Variants in A1BG observed in about 807,000 individuals in gnomAD.
A1BG encodes the protein alpha-1-B glycoprotein.
Under a neutral mutation model 46.0 loss-of-function variants are expected in A1BG, and 44 were observed. The ratio of observed to expected loss-of-function variants is 0.96; its 90% confidence interval spans 0.75 to 1.23. The LOEUF is 1.23. A1BG is among the 50% of genes most tolerant of loss of function. The pLI is 0.00. For synonymous variants in A1BG, 316 were observed against 314.7 expected, an observed-to-expected ratio of 1.00 and a Z score of -0.04; for missense variants, 707 against 688.8, an observed-to-expected ratio of 1.03 and a Z score of -0.30.
intron 6 of A1BG, chr19:58,348,633 A>G (rs2051932888): frequency 6.6e-6 from 1 of 152,270 alleles, no homozygotes; most frequent in Non-Finnish European, 1.5e-5. Context: ...TTTGCAATTA[A>G]TTGTAAGCTA....
chr19:58,351,723 C>G, intron 4 of A1BG, 36 bp from the exon 5 acceptor site: 1 of 1,541,546 alleles, frequency 6.5e-7, no homozygotes, highest in African/African-American at 1.4e-5. Flanking sequence ...CTGCCCCATC[C>G]CTGGAGCTGC....
chr19:58,350,626 G>A lies in A1BG; in HGVS notation c.936C>T (p.Ser312=), dbSNP rs1271065584. 4.2e-6 allele frequency: 6 copies of A among 1,427,944 alleles called. No homozygotes were observed. In the South Asian group the frequency reaches 6.0e-5, roughly 14 times the overall value. The allele number at this position is 1,427,944 out of a possible 1,614,324, so 88.5% of individuals were successfully genotyped here. The change falls in exon 6 of 8, where the codon TCC becomes TCT. Residue 312 remains serine, a synonymous_variant. Transcript: ENST00000263100. Reference sequence around the variant, plus strand: ...AGGCCCTGCCGGACTCCGGCTCCGGGGAGAACTCCGGCGCGGGCAGCGTCT... The same window carrying A: ...AGGCCCTGCCGGACTCCGGCTCCGGAGAGAACTCCGGCGCGGGCAGCGTCT... The part of the protein sequence containing the change: ...SDETLPAPEF[S]PEPESGRALR...
chr19:58,353,339 G>A lies in A1BG; in HGVS notation c.35-12C>T, dbSNP rs765486742. On this transcript the variant is annotated splice_polypyrimidine_tract_variant and intron_variant, in intron 1 of 7. Transcript: ENST00000263100. ...GCCCCAGGTGACACCTGCGGAGACA[G>A]CCCCCGTAAGGCTCCTGTTCCCGCC... 37 of 1,610,466 alleles carry A rather than the reference G, an allele frequency of 2.3e-5. No individual in the cohort carries two copies. The highest frequency in any genetic ancestry group is 3.1e-5 in the Non-Finnish European group (36 of 1,178,518).
Position 58,346,982 on chromosome 19 carries a change from C to T in A1BG, c.*40G>A. The T allele has an allele frequency of 1.2e-6, 2 of 1,613,618 alleles. No homozygotes were observed. Among genetic ancestry groups the T allele is most frequent in the Non-Finnish European group, 1.7e-6 (2 of 1,179,560 alleles). ...GGGAGCCAGTCCAGAATCCCCGGCACTTCTGAGGACACCAACAGCACCCTG... is the reference window on the plus strand; with the variant it reads ...GGGAGCCAGTCCAGAATCCCCGGCATTTCTGAGGACACCAACAGCACCCTG... On this transcript the variant is annotated 3_prime_UTR_variant, in exon 8 of 8. Transcript: ENST00000263100.
Position 58,353,156 on chromosome 19 carries a change from G to C in A1BG, c.112C>G (p.Leu38Val), listed in dbSNP as rs141312393. 2 of 1,614,088 alleles carry C rather than the reference G, an allele frequency of 1.2e-6. No homozygotes were observed. Among genetic ancestry groups the C allele is most frequent in the African/African-American group, 2.7e-5 (2 of 74,950 alleles). The change falls in exon 3 of 8, where the codon CTG (leucine) becomes GTG (valine). Residue 38 changes from leucine to valine, a missense_variant. Leu to Val is a conservative substitution (Grantham distance 32). Transcript: ENST00000263100. ...GTCACATTGGCCAAGGGTTTCAGCAGTGATTCGGACTCTGCCCACAGGCTG... is the reference window on the plus strand; with the variant it reads ...GTCACATTGGCCAAGGGTTTCAGCACTGATTCGGACTCTGCCCACAGGCTG... ...QPSLWAESES[L>V]LKPLANVTLT...
In A1BG at chr19:58,346,416, AAAT is replaced by A. The variant is rs2051914050; in HGVS notation, c.*603_*605del. 4 of 159,048 alleles carry A rather than the reference AAAT, an allele frequency of 2.5e-5. No homozygotes were observed. In the South Asian group the frequency reaches 5.2e-4, roughly 21 times the overall value. 9.9% of individuals were successfully genotyped at this position (159,048 alleles called of 1,614,324 possible). A position where few individuals can be genotyped will look rare whatever the true frequency, so the allele number is the denominator to read the frequency against. On this transcript the variant is annotated 3_prime_UTR_variant, in exon 8 of 8. Transcript: ENST00000263100. ...AGTGAGACTCATCTCTACAAAAAATAAATAATAGAAAGAAAAATGTGAGTTGGC... is the reference window on the plus strand; with the variant it reads ...AGTGAGACTCATCTCTACAAAAAATAAATAGAAAGAAAAATGTGAGTTGGC...
chr19:58,347,411 G>C lies in A1BG; in HGVS notation c.1422C>G (p.Ser474=). The change falls in exon 7 of 8, where the codon TCC becomes TCG. Residue 474 remains serine (S), a synonymous_variant. Transcript: ENST00000263100. ...CCGATTCGAAGGTGTGGGGCACCCAGGAGCGGTAGCGGCACCTGTAGTTGC... is the reference window on the plus strand; with the variant it reads ...CCGATTCGAAGGTGTGGGGCACCCACGAGCGGTAGCGGCACCTGTAGTTGC... ...HAGNYRCRYR[S]WVPHTFESEL... 6.2e-7 allele frequency: 1 copy of C among 1,611,772 alleles called. No individual in the cohort carries two copies. Among genetic ancestry groups the C allele is most frequent in the Non-Finnish European group, 8.5e-7 (1 of 1,179,504 alleles).
At chr19:58,347,674 A>ACGCCCCAGGCCACGCCCCAGGCCG in intron 6 of A1BG, 34 bp from the exon 7 acceptor site, 1 of 1,328,538 alleles carries the variant, frequency 7.5e-7, no homozygotes, top group Non-Finnish European at 9.5e-7. Flanking sequence ...GGGCCAGGCC[A>ACGCCCCAGGCCACGCCCCAGGCCG]CGCCCCAGGC....
Position 58,352,962 on chromosome 19 carries a change from G to C in A1BG, c.306C>G (p.Thr102=). Residue 102 remains threonine (T), a synonymous_variant, in exon 3 of 8, where the codon ACC becomes ACG. Transcript: ENST00000263100. ...RCRSGLSTGW[T]QLSKLLELTG... is the part of the protein sequence containing the mutation. ...TCAGCTCCAGGAGCTTGCTCAGCTG[G>C]GTCCATCCTGTGGACAAGCCCGAGC... 1 of 1,613,768 alleles carries C rather than the reference G, an allele frequency of 6.2e-7. No individual in the cohort carries two copies. The highest frequency in any genetic ancestry group is 8.5e-7 in the Non-Finnish European group (1 of 1,180,004).
In A1BG at chr19:58,352,562, G is replaced by T; in HGVS notation, c.341-7C>A. 1 of 1,604,670 alleles carries T rather than the reference G, an allele frequency of 6.2e-7. No homozygotes were observed. Among genetic ancestry groups the T allele is most frequent in the Non-Finnish European group, 8.5e-7 (1 of 1,178,938 alleles). On this transcript the variant is annotated splice_polypyrimidine_tract_variant and splice_region_variant and intron_variant, in intron 3 of 7. Transcript: ENST00000263100. Reference sequence around the variant, plus strand: ...CAGGGAGCAGGCAAGGACTCTGTGGGTGGGGTGGAGTTGAAGAGTGCTTCT... The same window carrying T: ...CAGGGAGCAGGCAAGGACTCTGTGGTTGGGGTGGAGTTGAAGAGTGCTTCT...
Position 58,352,916 on chromosome 19 carries a change from G to A in A1BG, c.340+12C>T, listed in dbSNP as rs2051976333. ...CACTGCCTCCTGGCCCCCAATTCAT[G>A]CCCCGGCTCACTTGGCCCTGTCAGC... is the stretch of plus-strand genomic sequence containing the variant. On this transcript the variant is annotated intron_variant, in intron 3 of 7. Coordinates refer to ENST00000263100, the MANE Select transcript of A1BG (RefSeq NM_130786.4). 2 of 1,605,246 alleles carry A rather than the reference G, an allele frequency of 1.2e-6. No homozygotes were observed. Among genetic ancestry groups the A allele is most frequent in the African/African-American group, 2.7e-5 (2 of 74,768 alleles).
chr19:58,351,478 C>T lies in A1BG; in HGVS notation c.823G>A (p.Gly275Ser). 6.2e-7 allele frequency: 1 copy of T among 1,613,596 alleles called. No homozygotes were observed. Among genetic ancestry groups the T allele is most frequent in the Non-Finnish European group, 8.5e-7 (1 of 1,180,018 alleles). ...AGCCGGTAGCGGCAGGTGTAGTGAC[C>T]TCCATCCCCCAGGGCCACCGCGTTC... ...HLNAVALGDG[G>S]HYTCRYRLHD... Residue 275 changes from glycine to serine, a missense_variant, in exon 5 of 8, where the codon GGT becomes AGT. By Grantham distance (56) the Gly-to-Ser change is moderately conservative (BLOSUM62 0). Transcript: ENST00000263100.
chr19:58,352,772 C>T (rs1185848880), intron 3 of A1BG, 156 bp downstream of exon 3: 28 of 1,249,468 alleles, frequency 2.2e-5, no homozygotes, highest in Non-Finnish European at 3.1e-5. Context: ...GGGGACACAA[C>T]CATGTATTCC....
Position 58,352,947 on chromosome 19 carries a change from G to A in A1BG, c.321C>T (p.Leu107=), listed in dbSNP as rs1320055576. ...GCTCACTTGGCCCTGTCAGCTCCAGGAGCTTGCTCAGCTGGGTCCATCCTG... is the reference window on the plus strand; with the variant it reads ...GCTCACTTGGCCCTGTCAGCTCCAGAAGCTTGCTCAGCTGGGTCCATCCTG... ...LSTGWTQLSK[L]LELTGPKSLP... is the part of the protein sequence containing the mutation. The change falls in exon 3 of 8, where the codon CTC becomes CTT. Residue 107 remains leucine, a synonymous_variant. Transcript: ENST00000263100. 1.2e-6 allele frequency: 2 copies of A among 1,613,328 alleles called. No homozygotes were observed. Among genetic ancestry groups the A allele is most frequent in the South Asian group, 1.1e-5 (1 of 91,058 alleles).
At chr19:58,352,229 T>C in intron 4 of A1BG, 54 bp downstream of exon 4, 2 of 1,590,914 alleles carry the variant, frequency 1.3e-6, no homozygotes, top group Non-Finnish European at 1.7e-6. Flanking sequence ...AATGTGGTCA[T>C]GCCCCCTGTA....
chr19:58,349,030 T>G (rs536206735), intron 6 of A1BG: 1 of 152,308 alleles, frequency 6.6e-6, no homozygotes, highest in African/African-American at 2.4e-5. Flanking sequence ...CATTTTTTTT[T>G]TTTTTGAGAT....
chr19:58,352,400 C>T lies in A1BG; in HGVS notation c.496G>A (p.Glu166Lys). 1 of 1,613,958 alleles carries T rather than the reference C, an allele frequency of 6.2e-7. No homozygotes were observed. Among genetic ancestry groups the T allele is most frequent in the Non-Finnish European group, 8.5e-7 (1 of 1,180,012 alleles). ...HEFLEVPEAQEDVEATFPVHQ... is the reference protein window; with the variant it reads ...HEFLEVPEAQKDVEATFPVHQ... ...ACTGGAAAGGTGGCCTCCACATCCT[C>T]CTGGGCCTCAGGCACCTCCAGAAAC... is the stretch of plus-strand genomic sequence containing the variant. Residue 166 changes from glutamate (E) to lysine (K), a missense_variant, in exon 4 of 8, where the codon GAG becomes AAG. Transcript: ENST00000263100.
chr19:58,352,897 C>T (rs773730507), intron 3 of A1BG, 31 bp downstream of exon 3: 1 of 1,594,634 alleles, frequency 6.3e-7, no homozygotes, highest in Admixed American at 1.7e-5. Flanking sequence ...TACCCACTGC[C>T]TCCTGGCCCC....
At position 58,352,284 on chromosome 19, in the gene A1BG, G is replaced by A. The variant is rs1321608967; in HGVS notation, c.612C>T (p.Leu204=). ...EPSATVTIEE[L]AAPPPPVLMH... ...CCCAGAGATGGTTCCCACAGTCACCGAGCTCCTCAATGGTCACAGTAGCGC... is the reference window on the plus strand; with the variant it reads ...CCCAGAGATGGTTCCCACAGTCACCAAGCTCCTCAATGGTCACAGTAGCGC... The change falls in exon 4 of 8, where the codon CTC becomes CTT. Residue 204 remains leucine (L), a splice_region_variant and synonymous_variant. Coordinates refer to ENST00000263100, the MANE Select transcript of A1BG (RefSeq NM_130786.4). 21 of 1,612,992 alleles carry A rather than the reference G, an allele frequency of 1.3e-5. 1 individual carries two copies. In the Middle Eastern group the frequency reaches 5.1e-4, roughly 39 times the overall value.
Sources: gnomAD v4.1 joint callset for allele counts on GRCh38, gnomAD v4.1.1 for gene constraint, MANE v1.5 for transcripts, NCBI Gene and HGNC (gene_info 2026-07-23, HGNC 2026-07-21) for gene names.